The following SORCS1 variants were observed in gnomAD, a reference collection of about 807,000 sequenced individuals.
SORCS1 encodes sortilin related VPS10 domain containing receptor 1, also known as VPS10 domain-containing receptor SorCS1.
A neutral mutation model predicts 146.1 loss-of-function variants in SORCS1; 60 were observed. That is an observed-to-expected ratio of 0.41 (90% CI 0.33 to 0.51). The LOEUF is 0.51. Among genes scored for constraint, SORCS1 ranks in the 20% least tolerant of loss-of-function variants. The probability of loss-of-function intolerance (pLI) is 0.21; values close to 1 mark genes in which losing one functional copy is unlikely to be tolerated. For missense variants in SORCS1, 1,352 were observed against 1,487.6 expected (o/e 0.91, Z 1.50); for synonymous variants, 637 against 584.0 (o/e 1.09, Z -1.31).
At chr10:107,127,396 G>C (rs1033287379) in intron 1 of SORCS1, among the ~76,000 whole-genome samples, 1 of 152,074 alleles carries the variant, frequency 6.6e-6, no homozygotes, top group Non-Finnish European at 1.5e-5. Flanking sequence ...CCACTACTTT[G>C]ATTTCCTTAG....
intron 3 of SORCS1, among the ~76,000 whole-genome samples, chr10:106,789,424 T>C (rs183610805): frequency 1.9e-4 from 29 of 152,358 alleles, no homozygotes; most frequent in Non-Finnish European, 1.5e-5. Flanking sequence ...TGCTTCCTCC[T>C]GAATGCTTTG....
intron 4 of SORCS1, 28 bp downstream of exon 4, chr10:106,776,506 T>C (rs760120293): frequency 1.2e-6 from 2 of 1,611,094 alleles, no homozygotes; most frequent in African/African-American, 1.3e-5. Flanking sequence ...CCATGCTTCA[T>C]TGTCTCAAAC....
intron 2 of SORCS1, among the ~76,000 whole-genome samples, chr10:106,864,510 G>T (rs1366029667): frequency 6.6e-6 from 1 of 152,120 alleles, no homozygotes; most frequent in Middle Eastern, 3.2e-3. Flanking sequence ...TTAGATACTC[G>T]GGCTTTCTGA....
chr10:106,616,323 A>T (rs1339842880), intron 21 of SORCS1, among the ~76,000 whole-genome samples: 2 of 152,262 alleles, frequency 1.3e-5, no homozygotes, highest in East Asian at 3.9e-4. Context: ...GGAAAAAAAA[A>T]TCCAGTGAAA....
chr10:106,620,822 T>G (rs1427693610), intron 19 of SORCS1, among the ~76,000 whole-genome samples: 1 of 152,050 alleles, frequency 6.6e-6, no homozygotes, highest in Admixed American at 6.6e-5. Flanking sequence ...AAAAAAAAAT[T>G]ACAGGTAACT....
intron 3 of SORCS1, among the ~76,000 whole-genome samples, chr10:106,826,967 G>A (rs186405563): frequency 1.4e-3 from 209 of 152,282 alleles, no homozygotes; most frequent in African/African-American, 4.7e-3. Context: ...ACGTCCTTCA[G>A]ATAACTATGG....
intron 2 of SORCS1, among the ~76,000 whole-genome samples, chr10:106,847,956 A>G (rs1476658548): frequency 3.3e-5 from 5 of 150,586 alleles, no homozygotes; most frequent in Non-Finnish European, 5.9e-5. Context: ...GAGATAGTTT[A>G]TTATAATTTC....
At chr10:107,055,881 T>C (rs1960574665) in intron 1 of SORCS1, among the ~76,000 whole-genome samples, 2 of 152,186 alleles carry the variant, frequency 1.3e-5, no homozygotes, top group Non-Finnish European at 2.9e-5. Context: ...AGGGAGTTTC[T>C]ATCAGAGCCA....
chr10:106,884,822 C>T (rs1401116496), intron 2 of SORCS1, among the ~76,000 whole-genome samples: 1 of 152,078 alleles, frequency 6.6e-6, no homozygotes, highest in Non-Finnish European at 1.5e-5. Flanking sequence ...AGTGATCTAT[C>T]TCATAGTGGC....
At chr10:107,039,228 C>A (rs951720971) in intron 1 of SORCS1, among the ~76,000 whole-genome samples, 1 of 149,558 alleles carries the variant, frequency 6.7e-6, no homozygotes, top group Non-Finnish European at 1.5e-5. Context: ...CTTGGGAGGC[C>A]GAGGCAGGAA....
chr10:107,044,265 G>A (rs906337654), intron 1 of SORCS1, among the ~76,000 whole-genome samples: 7 of 151,828 alleles, frequency 4.6e-5, no homozygotes, highest in African/African-American at 1.7e-4. Context: ...AAGAAAACAA[G>A]GAAAAGGAAA....
At chr10:107,008,523 C>T (rs994933061) in intron 1 of SORCS1, among the ~76,000 whole-genome samples, 1 of 152,130 alleles carries the variant, frequency 6.6e-6, no homozygotes, top group Non-Finnish European at 1.5e-5. Flanking sequence ...AAGTTAATGC[C>T]TCTAATATTG....
chr10:107,093,454 C>G (rs1964340834), intron 1 of SORCS1, among the ~76,000 whole-genome samples: 1 of 152,174 alleles, frequency 6.6e-6, no homozygotes, highest in Non-Finnish European at 1.5e-5. Flanking sequence ...GAGGGCAGAT[C>G]ACAAGGTCAA....
At chr10:107,109,014 G>GC (rs1378481229) in intron 1 of SORCS1, among the ~76,000 whole-genome samples, 1 of 152,196 alleles carries the variant, frequency 6.6e-6, no homozygotes, top group Non-Finnish European at 1.5e-5. Context: ...GGGTGATGGT[G>GC]CAACAGGTGA....
chr10:106,634,231 C>T (rs1403784910), intron 18 of SORCS1, among the ~76,000 whole-genome samples: 2 of 152,174 alleles, frequency 1.3e-5, no homozygotes, highest in Non-Finnish European at 2.9e-5. Flanking sequence ...ACTGTGTCAA[C>T]TCCGGCGGGG....
chr10:106,813,054 T>TACATACATACACAG (rs1947551864), intron 3 of SORCS1, among the ~76,000 whole-genome samples: 4 of 152,098 alleles, frequency 2.6e-5, no homozygotes, highest in Admixed American at 2.6e-4. Flanking sequence ...GCGAACTGTA[T>TACATACATACACAG]TGTCCCTCAT....
At chr10:106,838,277 C>T (rs977019075) in intron 2 of SORCS1, among the ~76,000 whole-genome samples, 2 of 152,152 alleles carry the variant, frequency 1.3e-5, no homozygotes, top group African/African-American at 4.8e-5. Flanking sequence ...AAATTAATAA[C>T]CTTGATTTTT....
At chr10:106,673,114 A>G (rs532901297) in intron 14 of SORCS1, 129 bp from the exon 15 acceptor site, 263 of 673,008 alleles carry the variant, frequency 3.9e-4, no homozygotes, top group Non-Finnish European at 5.5e-4. Flanking sequence ...TTAATCCTCA[A>G]AACGCATTCA....
At chr10:107,083,644 A>T (rs1378298441) in intron 1 of SORCS1, among the ~76,000 whole-genome samples, 2 of 152,162 alleles carry the variant, frequency 1.3e-5, no homozygotes, top group East Asian at 3.9e-4. Flanking sequence ...AATGGGGCAC[A>T]TTTTCAGAAG....
Sources: allele counts gnomAD v4.1 joint callset (sites outside exome capture counted in the v4.1 genomes callset), GRCh38; gene constraint gnomAD v4.1.1; transcripts MANE v1.5; gene names NCBI Gene and HGNC (gene_info 2026-07-23, HGNC 2026-07-21).